Variants in CCDC171 observed in about 807,000 individuals in gnomAD.
CCDC171 encodes coiled-coil domain containing 171.
In CCDC171, 177 loss-of-function variants were observed where a neutral mutation model predicts 168.2. The observed-to-expected ratio is 1.05, with a 90% CI of 0.93 to 1.19. The LOEUF is 1.19. CCDC171 is among the 50% of genes most tolerant of loss of function. The pLI is 0.00. For synonymous variants in CCDC171, 687 were observed against 540.8 expected, an observed-to-expected ratio of 1.27 and a Z score of -3.75; for missense variants, 1,991 against 1,539.0, an observed-to-expected ratio of 1.29 and a Z score of -4.91.
chr9:15,585,247 C>T (rs1363911578), intron 4 of CCDC171, among the ~76,000 whole-genome samples: 4 of 151,048 alleles, frequency 2.6e-5, no homozygotes, highest in African/African-American at 9.7e-5. Context: ...TTTATTATTT[C>T]CCCATGAGAA....
At position 15,999,280 on chromosome 9, in the gene CCDC171, AAGG is replaced by A. The variant is rs573236524; in HGVS notation, n.369-21305_369-21303del. On this transcript the variant is annotated intron_variant and non_coding_transcript_variant, in intron 3 of 9. Coordinates refer to the CCDC171 transcript ENST00000486641. ...AGAGAGAAAGAGAAAGAAAGAAAGA[AAGG>A]AGGGAGGGAGGGAAGGAAGGAAGGA... Among the ~76,000 whole-genome samples, 1,017 of 150,996 alleles carry A rather than the reference AAGG, an allele frequency of 6.7e-3. 5 individuals are homozygous for A. Among genetic ancestry groups the A allele is most frequent in the Middle Eastern group, 0.01 (3 of 294 alleles).
Position 15,848,893 on chromosome 9 carries a change from A to C in CCDC171, c.3414A>C (p.Lys1138Asn), listed in dbSNP as rs2061011140. 3 of 1,549,458 alleles carry C rather than the reference A, an allele frequency of 1.9e-6. No homozygotes were observed. The South Asian group carries it at 3.6e-5, about 19-fold the overall frequency. The change falls in exon 23 of 26, where the codon AAA (lysine) becomes AAC (asparagine). Residue 1138 changes from lysine to asparagine, a missense_variant and splice_region_variant. By Grantham distance (94) the Lys-to-Asn change is moderately conservative. Transcript: ENST00000380701. ...DAESALRMAA[K>N]DKECVANHMR... is the part of the protein sequence containing the mutation. Reference sequence around the variant, plus strand: ...ACACTTAATCTTTTATTTTTTCTAGAGACAAAGAATGTGTTGCTAATCACA... The same window carrying C: ...ACACTTAATCTTTTATTTTTTCTAGCGACAAAGAATGTGTTGCTAATCACA...
At chr9:15,969,017 AC>A (rs1277846628) in intron 25 of CCDC171, among the ~76,000 whole-genome samples, 1 of 152,178 alleles carries the variant, frequency 6.6e-6, no homozygotes, top group Non-Finnish European at 1.5e-5. Context: ...GGGGTACAAG[AC>A]TTTAAGGAAA....
the CCDC171 span, among the ~76,000 whole-genome samples, chr9:16,095,892 A>ATATATATATATATG: frequency 6.8e-6 from 1 of 146,030 alleles, no homozygotes; most frequent in Non-Finnish European, 1.5e-5. Flanking sequence ...ATATATATAT[A>ATATATATATATATG]TATATATACT....
intron 11 of CCDC171, among the ~76,000 whole-genome samples, chr9:15,700,023 C>G (rs1457141319): frequency 6.6e-6 from 1 of 152,264 alleles, no homozygotes; most frequent in Non-Finnish European, 1.5e-5. Flanking sequence ...AGCTGCCTGC[C>G]AGTCCCGTGC....
chr9:15,765,656 G>T (rs969909622), intron 18 of CCDC171, among the ~76,000 whole-genome samples: 1 of 152,158 alleles, frequency 6.6e-6, no homozygotes, highest in South Asian at 2.1e-4. Flanking sequence ...TTTGAGAAGC[G>T]GAGAAAATGA....
At chr9:15,927,494 G>A (rs908561560) in intron 25 of CCDC171, among the ~76,000 whole-genome samples, 3 of 151,562 alleles carry the variant, frequency 2.0e-5, no homozygotes, top group Admixed American at 1.3e-4. Flanking sequence ...TGCAAACTAC[G>A]GTACTGATTT....
At chr9:15,895,367 A>G (rs1227433599) in intron 24 of CCDC171, among the ~76,000 whole-genome samples, 2 of 152,100 alleles carry the variant, frequency 1.3e-5, no homozygotes, top group African/African-American at 4.8e-5. Context: ...AGTAACTGTG[A>G]TCTCCAAGGA....
intron 23 of CCDC171, among the ~76,000 whole-genome samples, chr9:15,855,022 T>G (rs2061294865): frequency 6.6e-6 from 1 of 151,750 alleles, no homozygotes. Context: ...TTCTGAAAGT[T>G]AAATGTGCAT....
intron 10 of CCDC171, among the ~76,000 whole-genome samples, chr9:15,690,050 C>T (rs189189417): frequency 3.3e-5 from 5 of 152,260 alleles, no homozygotes; most frequent in Admixed American, 1.3e-4. Context: ...CAGAGGGAAA[C>T]TCCATCTCAA....
chr9:15,640,494 T>A (rs907557256), intron 7 of CCDC171, among the ~76,000 whole-genome samples: 2 of 152,122 alleles, frequency 1.3e-5, no homozygotes, highest in African/African-American at 4.8e-5. Context: ...ATTTTAAAAG[T>A]CAAATGAGAA....
intron 24 of CCDC171, chr9:15,874,965 C>T (rs1046375111): frequency 1.1e-4 from 20 of 181,112 alleles, no homozygotes; most frequent in Admixed American, 5.0e-4. Context: ...CAATAAGACA[C>T]TAGGCTGTTA....
intron 25 of CCDC171, among the ~76,000 whole-genome samples, chr9:15,926,825 C>G (rs1825948688): frequency 6.6e-6 from 1 of 151,584 alleles, no homozygotes; most frequent in African/African-American, 2.4e-5. Context: ...CTAAGCTATA[C>G]TATAATTTTA....
At chr9:15,900,088 C>A (rs1231266301) in intron 24 of CCDC171, among the ~76,000 whole-genome samples, 1 of 152,170 alleles carries the variant, frequency 6.6e-6, no homozygotes, top group Non-Finnish European at 1.5e-5. Context: ...TTTGTCCTTT[C>A]CCATGTTGTA....
intron 25 of CCDC171, among the ~76,000 whole-genome samples, chr9:15,944,836 T>TCTTTCTCTC (rs57665767): frequency 1.5e-5 from 2 of 129,852 alleles, no homozygotes; most frequent in African/African-American, 5.8e-5. Flanking sequence ...TTTCTTTCTT[T>TCTTTCTCTC]TTTCTTTCTT....
At chr9:16,006,798 G>A (rs1231124178) in intron 3 of CCDC171, among the ~76,000 whole-genome samples, 3 of 152,122 alleles carry the variant, frequency 2.0e-5, no homozygotes, top group Non-Finnish European at 4.4e-5. Context: ...TCCATGGTGT[G>A]TATGTGCCAC....
the CCDC171 span, among the ~76,000 whole-genome samples, chr9:16,103,578 C>G: frequency 6.6e-6 from 1 of 152,162 alleles, no homozygotes; most frequent in Non-Finnish European, 1.5e-5. Context: ...TGAGAAATGT[C>G]CTTGGTAGCC....
intron 7 of CCDC171, among the ~76,000 whole-genome samples, chr9:15,648,739 A>G (rs2047251639): frequency 1.3e-5 from 2 of 152,222 alleles, no homozygotes; most frequent in South Asian, 4.1e-4. Flanking sequence ...TGCTCAACAA[A>G]ATAAAAGAGG....
intron 21 of CCDC171, among the ~76,000 whole-genome samples, chr9:15,829,107 A>C (rs1446421814): frequency 2.0e-5 from 3 of 152,214 alleles, no homozygotes; most frequent in Admixed American, 6.5e-5. Flanking sequence ...CCTCACAGCA[A>C]CCTATAGTAT....
Sources: gnomAD v4.1 joint callset for allele counts (sites outside exome capture counted in the v4.1 genomes callset) on GRCh38, gnomAD v4.1.1 for gene constraint, MANE v1.5 for transcripts, NCBI Gene and HGNC (gene_info 2026-07-23, HGNC 2026-07-21) for gene names.